The following RIT2 variants were observed in gnomAD, a reference collection of about 807,000 sequenced individuals.
The protein encoded by RIT2 is Ras like without CAAX 2, also known as GTP-binding protein Rit2.
A neutral mutation model predicts 23.7 loss-of-function variants in RIT2; 24 were observed. That is an observed-to-expected ratio of 1.01 (90% CI 0.73 to 1.43). The LOEUF is 1.43. Ranked by LOEUF, RIT2 falls within the 40% of genes most tolerant of loss-of-function variation. RIT2 has a pLI of 0.00. For missense variants in RIT2, 236 were observed against 266.9 expected, an observed-to-expected ratio of 0.88 and a Z score of 0.81; for synonymous variants, 107 against 91.1, an observed-to-expected ratio of 1.17 and a Z score of -0.99.
At chr18:42,808,085 A>C (rs2143971301) in intron 4 of RIT2, among the ~76,000 whole-genome samples, 1 of 152,324 alleles carries the variant, frequency 6.6e-6, no homozygotes, top group African/African-American at 2.4e-5. Flanking sequence ...ACAAAGGATT[A>C]ATGAATTCCT....
intron 1 of RIT2, among the ~76,000 whole-genome samples, chr18:43,043,807 C>T (rs1330705063): frequency 6.6e-6 from 1 of 151,730 alleles, no homozygotes. Context: ...CTCAAACAAA[C>T]AAATAAATAA....
chr18:42,973,458 AC>A (rs1177343131), intron 3 of RIT2, among the ~76,000 whole-genome samples: 4 of 151,900 alleles, frequency 2.6e-5, no homozygotes, highest in Non-Finnish European at 5.9e-5. Context: ...TAAAATATCC[AC>A]CTTTCTTCAA....
chr18:42,820,546 G>A (rs528360589), intron 4 of RIT2, among the ~76,000 whole-genome samples: 1 of 152,192 alleles, frequency 6.6e-6, no homozygotes, highest in South Asian at 2.1e-4. Flanking sequence ...AATGAAGAAG[G>A]GTGACATCAG....
chr18:43,005,423 G>T (rs549078350), intron 2 of RIT2, among the ~76,000 whole-genome samples: 4 of 151,846 alleles, frequency 2.6e-5, no homozygotes, highest in Admixed American at 2.0e-4. Flanking sequence ...CATGTTTTGA[G>T]AATGGAAACT....
intron 3 of RIT2, among the ~76,000 whole-genome samples, chr18:42,956,827 T>C (rs1909981729): frequency 6.6e-6 from 1 of 152,180 alleles, no homozygotes; most frequent in South Asian, 2.1e-4. Context: ...GATCTTGATA[T>C]GTTTCACAAG....
At chr18:42,784,065 T>C (rs990985053) in intron 4 of RIT2, among the ~76,000 whole-genome samples, 1 of 152,046 alleles carries the variant, frequency 6.6e-6, no homozygotes, top group Non-Finnish European at 1.5e-5. Flanking sequence ...CACTAGTTAT[T>C]TGGAGTGAGG....
At chr18:43,036,230 C>G (rs147208020) in intron 1 of RIT2, among the ~76,000 whole-genome samples, 316 of 152,224 alleles carry the variant, frequency 2.1e-3, no homozygotes, top group Non-Finnish European at 3.8e-3. Flanking sequence ...AGGGACTTAC[C>G]TGTTACAGTT....
intron 2 of RIT2, among the ~76,000 whole-genome samples, chr18:43,023,450 T>C (rs149571620): frequency 1.5e-3 from 223 of 152,222 alleles, no homozygotes; most frequent in African/African-American, 4.8e-3. Flanking sequence ...CATTTTCATC[T>C]TATAGTTCGA....
intron 4 of RIT2, among the ~76,000 whole-genome samples, chr18:42,783,063 T>C (rs552515440): frequency 6.6e-6 from 1 of 152,264 alleles, no homozygotes; most frequent in South Asian, 2.1e-4. Flanking sequence ...AGTCGATAGA[T>C]GCTGCGTTTA....
intron 4 of RIT2, among the ~76,000 whole-genome samples, chr18:42,775,248 A>G (rs1012273747): frequency 2.0e-5 from 3 of 152,178 alleles, no homozygotes; most frequent in African/African-American, 4.8e-5. Context: ...TATGCTAGAG[A>G]GAAAAGACAT....
intron 4 of RIT2, among the ~76,000 whole-genome samples, chr18:42,883,280 C>T (rs1241211816): frequency 6.6e-6 from 1 of 152,082 alleles, no homozygotes; most frequent in African/African-American, 2.4e-5. Context: ...AAGCCAGGAA[C>T]GGAGGAAGCT....
chr18:42,878,565 C>CTGTGTGTGTG lies in RIT2; in HGVS notation c.426+44997_426+45006dup, dbSNP rs71371607. Among the ~76,000 whole-genome samples, 522 of 147,604 alleles carry CTGTGTGTGTG rather than the reference C, an allele frequency of 3.5e-3. 2 individuals are homozygous for CTGTGTGTGTG. The highest frequency in any genetic ancestry group is 0.011 in the African/African-American group (445 of 40,284). ...AACCCATGTTGTTCAAGATTCAACTCTGTGTGTGTGTGTGTGTGTGTGTGT... is the reference window on the plus strand; with the variant it reads ...AACCCATGTTGTTCAAGATTCAACTCTGTGTGTGTGTGTGTGTGTGTGTGTGTGTGTGTGT... On this transcript the variant is annotated intron_variant, in intron 4 of 4. Coordinates refer to ENST00000326695, the MANE Select transcript of RIT2 (RefSeq NM_002930.4).
chr18:42,905,364 T>C (rs1016515828), intron 4 of RIT2, among the ~76,000 whole-genome samples: 3 of 152,308 alleles, frequency 2.0e-5, no homozygotes, highest in Admixed American at 6.5e-5. Context: ...CCTGTAAAAC[T>C]TGCTGTATAT....
At chr18:43,043,748 G>C (rs1912182682) in intron 1 of RIT2, among the ~76,000 whole-genome samples, 2 of 152,018 alleles carry the variant, frequency 1.3e-5, no homozygotes, top group Non-Finnish European at 2.9e-5. Context: ...TGAGATAGCT[G>C]AGATAGTGCC....
At chr18:42,759,282 T>C (rs981006423) in intron 4 of RIT2, among the ~76,000 whole-genome samples, 14 of 152,178 alleles carry the variant, frequency 9.2e-5, no homozygotes, top group African/African-American at 3.4e-4. Flanking sequence ...AAAATGACCA[T>C]TTCTGTCAAT....
intron 2 of RIT2, among the ~76,000 whole-genome samples, chr18:42,987,626 C>T (rs1598739470): frequency 6.6e-6 from 1 of 152,188 alleles, no homozygotes; most frequent in Non-Finnish European, 1.5e-5. Context: ...CACCATTATT[C>T]ATACCATCCC....
chr18:42,855,125 A>T (rs1008583810), intron 4 of RIT2, among the ~76,000 whole-genome samples: 1 of 152,232 alleles, frequency 6.6e-6, no homozygotes, highest in African/African-American at 2.4e-5. Flanking sequence ...TTTCTAAAAA[A>T]ACAGCAAAAT....
chr18:42,891,974 GC>G (rs953599946), intron 4 of RIT2, among the ~76,000 whole-genome samples: 2 of 151,972 alleles, frequency 1.3e-5, no homozygotes, highest in African/African-American at 4.8e-5. Flanking sequence ...AATAGGAGAG[GC>G]TTTGTATGTG....
intron 4 of RIT2, among the ~76,000 whole-genome samples, chr18:42,862,644 G>T (rs747322526): frequency 9.3e-4 from 141 of 152,234 alleles, no homozygotes; most frequent in Middle Eastern, 3.4e-3. Context: ...ATTAAAACTT[G>T]ATCTAATTCT....
Sources: allele counts gnomAD v4.1 joint callset (sites outside exome capture counted in the v4.1 genomes callset), GRCh38; gene constraint gnomAD v4.1.1; transcripts MANE v1.5; gene names NCBI Gene and HGNC (gene_info 2026-07-23, HGNC 2026-07-21).